NKD1: variants seen among roughly 807,000 people sequenced by gnomAD.
NKD1 encodes NKD inhibitor of Wnt signaling pathway 1.
In NKD1, 21 loss-of-function variants were observed where a neutral mutation model predicts 56.0. The ratio of observed to expected loss-of-function variants is 0.38; its 90% CI spans 0.27 to 0.54. The LOEUF (loss-of-function observed/expected upper bound fraction) is 0.54, where lower values mean the gene tolerates loss of function less well. Ranked by LOEUF, NKD1 falls within the 20% of genes least tolerant of loss-of-function variation. The pLI is 0.82. For synonymous variants in NKD1, 263 were observed against 265.7 expected, an observed-to-expected ratio of 0.99 and a Z score of 0.10; for missense variants, 578 against 642.7, an observed-to-expected ratio of 0.90 and a Z score of 1.09.
chr16:50,599,219 G>A (rs1171660909), intron 3 of NKD1, among the ~76,000 whole-genome samples: 1 of 152,112 alleles, frequency 6.6e-6, no homozygotes, highest in Non-Finnish European at 1.5e-5. Flanking sequence ...ACCAGGGCCC[G>A]GAGGGAGAAG....
chr16:50,583,021 A>G (rs1325105005), intron 3 of NKD1, among the ~76,000 whole-genome samples: 1 of 152,124 alleles, frequency 6.6e-6, no homozygotes, highest in African/African-American at 2.4e-5. Context: ...AAAAAAATGC[A>G]TTATTGCTCC....
At chr16:50,591,432 A>T (rs894720260) in intron 3 of NKD1, among the ~76,000 whole-genome samples, 1 of 152,188 alleles carries the variant, frequency 6.6e-6, no homozygotes, top group Non-Finnish European at 1.5e-5. Context: ...AGGACGGATC[A>T]TTGGCTTTGC....
At chr16:50,558,719 CA>C (rs1186061460) in intron 3 of NKD1, 448 of 41,140 alleles carry the variant, frequency 0.011, no homozygotes, top group African/African-American at 0.017. Context: ...GCTAAAAATA[CA>C]AAAAAAAAAA....
At chr16:50,586,744 C>T (rs763332797) in intron 3 of NKD1, among the ~76,000 whole-genome samples, 14 of 152,226 alleles carry the variant, frequency 9.2e-5, no homozygotes, top group Non-Finnish European at 1.5e-4. Flanking sequence ...TTCTGTGCAT[C>T]CTGTACAGAA....
chr16:50,575,389 A>G, intron 3 of NKD1: 1 of 974,928 alleles, frequency 1.0e-6, no homozygotes, highest in Non-Finnish European at 1.2e-6. Context: ...GCGCGAGGGT[A>G]ATTGTATTTT....
At chr16:50,602,925 A>C (rs1961628407) in intron 3 of NKD1, among the ~76,000 whole-genome samples, 1 of 152,198 alleles carries the variant, frequency 6.6e-6, no homozygotes, top group Non-Finnish European at 1.5e-5. Context: ...CATTGCCCTA[A>C]ACATCACTGG....
At chr16:50,625,126 T>A (rs1417661938) in intron 5 of NKD1, 2 of 319,428 alleles carry the variant, frequency 6.3e-6, no homozygotes, top group East Asian at 1.6e-4. Flanking sequence ...CTCCTGGGGC[T>A]CCCAAATTGC....
Position 50,621,852 on chromosome 16 carries a change from T to G in NKD1, c.366+144T>G, listed in dbSNP as rs9944349. The G allele has an allele frequency of 1.9e-3, 1,233 of 648,344 alleles. 14 individuals carry two copies. The African/African-American group carries it at 0.021, about 11-fold the overall frequency. The allele number at this position is 648,344 out of a possible 1,614,324, so 40.2% of individuals were successfully genotyped here. A position where few individuals can be genotyped will look rare whatever the true frequency, so the allele number is the denominator to read the frequency against. ...AGCACCCTCTGTGGGAGGTTCCTTCTGCCACATCTGGGGCCGTCCTGGCTC... is the reference window on the plus strand; with the variant it reads ...AGCACCCTCTGTGGGAGGTTCCTTCGGCCACATCTGGGGCCGTCCTGGCTC... On this transcript the variant is annotated intron_variant, in intron 5 of 9. Coordinates refer to ENST00000268459, the MANE Select transcript of NKD1 (RefSeq NM_033119.5).
At position 50,632,641 on chromosome 16, in the gene NKD1, GACAA is replaced by G. The variant is rs1437250882; in HGVS notation, c.823+238_823+241del. Among the ~76,000 whole-genome samples the G allele has an allele frequency of 1.3e-5, 2 of 152,190 alleles. No individual in the cohort carries two copies. Among genetic ancestry groups the G allele is most frequent in the African/African-American group, 4.8e-5 (2 of 41,442 alleles). The stretch of plus-strand genomic sequence containing the variant: ...AGTATCTAAAGGCTTAGCACCCAAT[GACAA>G]ACAACAGTTTTGTGCCCCATCCCAG... On this transcript the variant is annotated intron_variant, in intron 9 of 9. Transcript: ENST00000268459. The surrounding 1 kb of genome is among the most constrained non-coding windows in gnomAD (Gnocchi z 4.1).
At chr16:50,563,116 G>A (rs937202860) in intron 3 of NKD1, among the ~76,000 whole-genome samples, 1 of 152,132 alleles carries the variant, frequency 6.6e-6, no homozygotes, top group Admixed American at 6.5e-5. Flanking sequence ...GGAACCTGTG[G>A]CTTAGAATGT....
At chr16:50,591,484 G>A (rs1300258298) in intron 3 of NKD1, among the ~76,000 whole-genome samples, 2 of 152,254 alleles carry the variant, frequency 1.3e-5, no homozygotes, top group East Asian at 3.8e-4. Flanking sequence ...AGACAGCAGA[G>A]GAGGAACGGA....
At chr16:50,616,068 G>A (rs1037448318) in intron 4 of NKD1, 3 of 455,774 alleles carry the variant, frequency 6.6e-6, no homozygotes, top group African/African-American at 6.0e-5. Flanking sequence ...GAAGGTTGTG[G>A]ACTCAAACAT....
chr16:50,626,879 TG>T (rs1254389773), intron 6 of NKD1, among the ~76,000 whole-genome samples: 1 of 152,174 alleles, frequency 6.6e-6, no homozygotes, highest in Non-Finnish European at 1.5e-5. Flanking sequence ...GTCCAGCATG[TG>T]GGGGCCTCAT....
At chr16:50,575,537 G>A (rs1394721828) in intron 3 of NKD1, among the ~76,000 whole-genome samples, 1 of 152,218 alleles carries the variant, frequency 6.6e-6, no homozygotes, top group Non-Finnish European at 1.5e-5. Flanking sequence ...TCCCCGGGCT[G>A]TGGGGACGGA....
intron 3 of NKD1, among the ~76,000 whole-genome samples, chr16:50,568,352 A>G (rs532367730): frequency 1.3e-5 from 2 of 152,284 alleles, no homozygotes; most frequent in South Asian, 2.1e-4. Context: ...AGGCCAGCCT[A>G]TGGGGGGCCC....
chr16:50,585,639 C>T lies in NKD1; in HGVS notation c.193-22655C>T, dbSNP rs559145443. Among the ~76,000 whole-genome samples, 6 of 152,334 alleles carry T rather than the reference C, an allele frequency of 3.9e-5. No individual in the cohort carries two copies. In the South Asian group the frequency reaches 6.2e-4, roughly 16 times the overall value. Reference sequence around the variant, plus strand: ...GTTTACCCAGGCAGGGCCTTCCCCACGCCCCAAGTCATTCCCGCCCCAGCC... The same window carrying T: ...GTTTACCCAGGCAGGGCCTTCCCCATGCCCCAAGTCATTCCCGCCCCAGCC... On this transcript the variant is annotated intron_variant, in intron 3 of 9. Transcript: ENST00000268459.
chr16:50,549,342 G>T, intron 2 of NKD1, 80 bp from the exon 3 acceptor site: 4 of 1,533,724 alleles, frequency 2.6e-6, no homozygotes, highest in Non-Finnish European at 3.5e-6. Flanking sequence ...GCCTCCCACC[G>T]CGCCTCCTTC....
chr16:50,573,385 C>T (rs1233620855), intron 3 of NKD1, among the ~76,000 whole-genome samples: 1 of 152,238 alleles, frequency 6.6e-6, no homozygotes, highest in Non-Finnish European at 1.5e-5. Context: ...CCTGTTCCTT[C>T]TCCCCCCATC....
At chr16:50,561,148 A>G (rs1049317180) in intron 3 of NKD1, among the ~76,000 whole-genome samples, 34 of 152,108 alleles carry the variant, frequency 2.2e-4, no homozygotes, top group African/African-American at 7.5e-4. Flanking sequence ...GAAGAGGATG[A>G]GCAGTCCCAT....
Sources: allele counts gnomAD v4.1 joint callset (sites outside exome capture counted in the v4.1 genomes callset), GRCh38; gene constraint gnomAD v4.1.1; non-coding constraint Gnocchi (gnomAD v3.1); transcripts MANE v1.5; gene names NCBI Gene and HGNC (gene_info 2026-07-23, HGNC 2026-07-21).